Variants in RADX observed in about 807,000 individuals in gnomAD.
RADX encodes RPA-related protein RADX.
In RADX, 36 loss-of-function variants were observed where a neutral mutation model predicts 61.6. That is an observed-to-expected ratio of 0.58 (90% CI 0.45 to 0.77). The LOEUF is 0.77. Ranked by LOEUF, RADX falls within the 30% of genes least tolerant of loss-of-function variation. The pLI, the probability that RADX is intolerant of heterozygous loss-of-function variation, is 0.00. For synonymous variants in RADX, 272 were observed against 237.9 expected, an observed-to-expected ratio of 1.14 and a Z score of -1.32; for missense variants, 497 against 651.1, an observed-to-expected ratio of 0.76 and a Z score of 2.58.
chrX:106,632,924 CT>C lies in RADX; in HGVS notation c.1089-3del, dbSNP rs777210803. The C allele has an allele frequency of 1.4e-5, 16 of 1,176,237 alleles. No homozygotes were observed. Among genetic ancestry groups the C allele is most frequent in the Non-Finnish European group, 1.8e-5 (16 of 872,236 alleles). On this transcript the variant is annotated splice_polypyrimidine_tract_variant and splice_region_variant and intron_variant, in intron 4 of 13. Coordinates refer to ENST00000372548, the MANE Select transcript of RADX (RefSeq NM_018015.6). ...TAAAATATTAATTTAGTGATTTTAC[CT>C]TTTTAGGTCAGAACTGGATGATATG...
Position 106,669,149 on chromosome X carries a change from ACTTT to A in RADX, c.2270-9_2270-6del. On this transcript the variant is annotated splice_polypyrimidine_tract_variant and intron_variant, in intron 12 of 13. Coordinates refer to ENST00000372548, the MANE Select transcript of RADX (RefSeq NM_018015.6). ...CCACTGAACTTTTAATAATGTGTGA[ACTTT>A]CTTTAACAGGTCTGAACCATGAGAT... 8.4e-7 allele frequency: 1 copy of A among 1,193,461 alleles called. No individual in the cohort carries two copies. The highest frequency in any genetic ancestry group is 1.1e-6 in the Non-Finnish European group (1 of 881,456).
intron 10 of RADX, among the ~76,000 whole-genome samples, chrX:106,644,238 T>C (rs1439756847): frequency 9.0e-6 from 1 of 111,319 alleles, no homozygotes; most frequent in African/African-American, 3.3e-5. Context: ...TTTGACTTCT[T>C]CCTTTCCAAG....
chrX:106,612,850 G>T (rs1404523035), intron 1 of RADX, 127 bp downstream of exon 1: 3 of 658,775 alleles, frequency 4.6e-6, no homozygotes, highest in Admixed American at 4.1e-5. Flanking sequence ...AGGTAGACAA[G>T]TTTTCTTAAA....
At chrX:106,643,562 C>T (rs1313946102) in intron 10 of RADX, among the ~76,000 whole-genome samples, 1 of 111,190 alleles carries the variant, frequency 9.0e-6, no homozygotes, top group South Asian at 3.8e-4. Flanking sequence ...ATCCAGTTTT[C>T]CCAGCACCAT....
chrX:106,638,792 T>C (rs1248377501), intron 8 of RADX: 1 of 111,597 alleles, frequency 9.0e-6, no homozygotes, highest in Non-Finnish European at 1.9e-5. Flanking sequence ...CTGACCTTGG[T>C]GTAGATCTCA....
chrX:106,656,769 T>C (rs970602079), intron 11 of RADX, among the ~76,000 whole-genome samples: 2 of 111,607 alleles, frequency 1.8e-5, no homozygotes, highest in Admixed American at 9.5e-5. Context: ...TAGTTCTCAA[T>C]AGTGGGCTTA....
At chrX:106,642,672 C>T (rs1226477029) in intron 10 of RADX, among the ~76,000 whole-genome samples, 1 of 111,717 alleles carries the variant, frequency 9.0e-6, no homozygotes, top group Non-Finnish European at 1.9e-5. Flanking sequence ...ATGTAGGTTG[C>T]TTCCAAATCT....
chrX:106,676,617 G>A (rs1928516811), intron 13 of RADX, among the ~76,000 whole-genome samples: 1 of 112,413 alleles, frequency 8.9e-6, no homozygotes, highest in Non-Finnish European at 1.9e-5. Context: ...AGCCACTAAA[G>A]TCTGTGATGC....
At chrX:106,650,371 G>A (rs1262446978) in intron 11 of RADX, among the ~76,000 whole-genome samples, 1 of 110,407 alleles carries the variant, frequency 9.1e-6, no homozygotes, top group African/African-American at 3.3e-5. Context: ...TTCCTAAAAG[G>A]GAGGTTTCTT....
At chrX:106,648,502 A>G (rs1311516191) in intron 11 of RADX, 116 bp downstream of exon 11, 3 of 487,979 alleles carry the variant, frequency 6.1e-6, no homozygotes, top group Non-Finnish European at 1.0e-5. Context: ...TACTTTGCAT[A>G]TAGTAATATT....
chrX:106,612,536 C>T lies in RADX; in HGVS notation c.456C>T (p.Asn152=), dbSNP rs1199271627. The change falls in exon 1 of 14, where the codon AAC becomes AAT. Residue 152 remains asparagine (N), a synonymous_variant. Coordinates refer to ENST00000372548, the MANE Select transcript of RADX (RefSeq NM_018015.6). Reference sequence around the variant, plus strand: ...GCCAGGGGATCCTGTGCATAGATAACGTCCACTGTGGGGAGACTTCAGACA... The same window carrying T: ...GCCAGGGGATCCTGTGCATAGATAATGTCCACTGTGGGGAGACTTCAGACA... ...RIGQGILCID[N]VHCGETSDSI... is the part of the protein sequence containing the mutation. 3 of 1,209,190 alleles carry T rather than the reference C, an allele frequency of 2.5e-6. No homozygotes were observed. The highest frequency in any genetic ancestry group is 3.4e-6 in the Non-Finnish European group (3 of 894,643).
chrX:106,616,581 G>A (rs937567795), intron 1 of RADX, among the ~76,000 whole-genome samples: 1 of 110,914 alleles, frequency 9.0e-6, no homozygotes, highest in Non-Finnish European at 1.9e-5. Context: ...GCATCCCCCA[G>A]GTTTGGAAGT....
intron 3 of RADX, among the ~76,000 whole-genome samples, chrX:106,627,009 G>A (rs760229054): frequency 8.9e-6 from 1 of 112,208 alleles, no homozygotes; most frequent in South Asian, 3.7e-4. Flanking sequence ...TGTATGTAAA[G>A]GAATGTATAT....
intron 12 of RADX, 31 bp from the exon 13 acceptor site, chrX:106,669,132 C>G: frequency 8.5e-7 from 1 of 1,172,988 alleles, no homozygotes; most frequent in Non-Finnish European, 1.2e-6. Context: ...ACCCACTGAA[C>G]TTTTAATAAT....
intron 9 of RADX, 127 bp from the exon 10 acceptor site, chrX:106,640,425 A>G: frequency 6.9e-6 from 3 of 432,559 alleles, no homozygotes. Context: ...TCATAAAAGC[A>G]CTGTTATGAT....
intron 1 of RADX, among the ~76,000 whole-genome samples, chrX:106,619,875 A>G (rs1603035069): frequency 9.0e-6 from 1 of 111,446 alleles, no homozygotes; most frequent in Admixed American, 9.5e-5. Context: ...TATCAATTCT[A>G]TTTTTTATTG....
At chrX:106,650,323 T>A (rs1410327675) in intron 11 of RADX, among the ~76,000 whole-genome samples, 1 of 110,758 alleles carries the variant, frequency 9.0e-6, no homozygotes, top group Non-Finnish European at 1.9e-5. Context: ...ATCAGTGAAA[T>A]CAAGACCCTA....
intron 10 of RADX, among the ~76,000 whole-genome samples, chrX:106,646,805 G>C (rs1267283993): frequency 9.0e-6 from 1 of 111,345 alleles, no homozygotes; most frequent in Non-Finnish European, 1.9e-5. Context: ...TTTGAACAAA[G>C]AAAATGTAAA....
chrX:106,671,717 G>A (rs752658895), intron 13 of RADX, among the ~76,000 whole-genome samples: 3 of 111,496 alleles, frequency 2.7e-5, no homozygotes, highest in Non-Finnish European at 3.8e-5. Context: ...GGATAGATAA[G>A]CAAAAATATA....
Sources: gnomAD v4.1 joint callset for allele counts (sites outside exome capture counted in the v4.1 genomes callset) on GRCh38, gnomAD v4.1.1 for gene constraint, MANE v1.5 for transcripts, NCBI Gene and HGNC (gene_info 2026-07-23, HGNC 2026-07-21) for gene names.